KAZN: variants seen among roughly 807,000 people sequenced by gnomAD.
KAZN encodes the protein kazrin.
KAZN carries 40 observed loss-of-function variants against 87.4 expected under a neutral mutation model. That is an observed-to-expected ratio of 0.46 (90% CI 0.36 to 0.60). The LOEUF (loss-of-function observed/expected upper bound fraction) is 0.60. KAZN is among the 20% of genes least tolerant of loss of function. The pLI is 0.00. For synonymous variants in KAZN, 466 were observed against 458.3 expected (o/e 1.02, Z -0.22); for missense variants, 898 against 1,073.9 (o/e 0.84, Z 2.29).
chr1:14,225,308 G>A (rs1359325643), intron 2 of KAZN, among the ~76,000 whole-genome samples: 2 of 151,938 alleles, frequency 1.3e-5, no homozygotes, highest in Admixed American at 1.3e-4. Context: ...AAATACCTAG[G>A]AATTCAGCTA....
intron 1 of KAZN, among the ~76,000 whole-genome samples, chr1:13,915,608 G>A (rs368070768): frequency 6.6e-5 from 10 of 152,228 alleles, no homozygotes; most frequent in Middle Eastern, 6.8e-3. Flanking sequence ...CCACCTCAGC[G>A]CCCAGTTGCC....
At chr1:14,706,532 TTACTC>T (rs2148814264) in intron 1 of KAZN, among the ~76,000 whole-genome samples, 1 of 152,306 alleles carries the variant, frequency 6.6e-6, no homozygotes, top group East Asian at 1.9e-4. Context: ...GATATGCTAA[TTACTC>T]TGATCTGATC....
In KAZN at chr1:14,244,074, T is replaced by A. The variant is rs750478086; in HGVS notation, c.249+63482T>A. Reference sequence around the variant, plus strand: ...GAAACAACAATTAAACAGAGAAAAATTATCATTAAACATCACCCGCCATGT... The same window carrying A: ...GAAACAACAATTAAACAGAGAAAAAATATCATTAAACATCACCCGCCATGT... On this transcript the variant is annotated intron_variant, in intron 2 of 16. Transcript: ENST00000636203. Among the ~76,000 whole-genome samples, 25 of 152,212 alleles carry A rather than the reference T, an allele frequency of 1.6e-4. 1 individual carries two copies. The highest frequency in any genetic ancestry group is 3.4e-3 in the Middle Eastern group (1 of 294).
At chr1:14,914,961 C>A (rs1392305627) in intron 1 of KAZN, among the ~76,000 whole-genome samples, 2 of 152,128 alleles carry the variant, frequency 1.3e-5, no homozygotes, top group Non-Finnish European at 2.9e-5. Flanking sequence ...GAGGCTGAGG[C>A]GGGCGGATCA....
At chr1:13,920,144 G>T (rs950198998) in intron 1 of KAZN, among the ~76,000 whole-genome samples, 5 of 151,628 alleles carry the variant, frequency 3.3e-5, no homozygotes, top group Admixed American at 6.6e-5. Context: ...CAGCTACTTG[G>T]GAGGCTGAGA....
At chr1:14,080,229 G>T (rs1343314621) in intron 1 of KAZN, among the ~76,000 whole-genome samples, 1 of 130,788 alleles carries the variant, frequency 7.6e-6, no homozygotes, top group East Asian at 2.1e-4. Flanking sequence ...CCCAAGGAAT[G>T]AGTAACTTGA....
exon 1 of KAZN, chr1:13,892,847 C>G (rs1407769907): frequency 6.6e-6 from 1 of 152,378 alleles, no homozygotes; most frequent in Admixed American, 6.5e-5. Context: ...GGAACTGCCC[C>G]CTTTGCATCG....
At chr1:13,985,649 A>G (rs1022398750) in intron 1 of KAZN, among the ~76,000 whole-genome samples, 2 of 151,980 alleles carry the variant, frequency 1.3e-5, no homozygotes, top group Admixed American at 6.6e-5. Flanking sequence ...TCCAAAAAAA[A>G]AACCCTGTAC....
chr1:14,831,845 A>T (rs935755511), intron 1 of KAZN, among the ~76,000 whole-genome samples: 1 of 152,024 alleles, frequency 6.6e-6, no homozygotes, highest in Non-Finnish European at 1.5e-5. Context: ...TCACTGTATT[A>T]TTCAGGACTC....
intron 1 of KAZN, among the ~76,000 whole-genome samples, chr1:14,827,274 G>GT (rs1196605095): frequency 1.3e-5 from 2 of 152,080 alleles, no homozygotes; most frequent in African/African-American, 4.8e-5. Context: ...TAAACTTTCC[G>GT]TAAGTGTTTG....
At chr1:14,764,767 T>C (rs1572423916) in intron 1 of KAZN, among the ~76,000 whole-genome samples, 1 of 152,096 alleles carries the variant, frequency 6.6e-6, no homozygotes, top group South Asian at 2.1e-4. Flanking sequence ...CCAGGCTGGG[T>C]ATAGAAACAG....
intron 2 of KAZN, among the ~76,000 whole-genome samples, chr1:14,248,889 A>G (rs1649756064): frequency 6.6e-6 from 1 of 152,202 alleles, no homozygotes. Context: ...CCAAGCAGCC[A>G]TGTTAGAAAT....
chr1:13,982,044 A>C (rs150739692), intron 1 of KAZN, among the ~76,000 whole-genome samples: 2 of 152,354 alleles, frequency 1.3e-5, no homozygotes, highest in African/African-American at 4.8e-5. Flanking sequence ...CCCACCCCTC[A>C]GAGAATAATT....
At chr1:14,511,216 A>G (rs1298722621) in intron 2 of KAZN, among the ~76,000 whole-genome samples, 1 of 152,190 alleles carries the variant, frequency 6.6e-6, no homozygotes, top group Non-Finnish European at 1.5e-5. Context: ...AGATGTTTCC[A>G]TTTGTCAAGC....
chr1:14,851,662 C>T (rs894274155), intron 1 of KAZN, among the ~76,000 whole-genome samples: 1 of 152,202 alleles, frequency 6.6e-6, no homozygotes, highest in Non-Finnish European at 1.5e-5. Flanking sequence ...TCCACCTGGG[C>T]GTTGACTTAT....
At chr1:14,094,068 G>A (rs1430537176) in intron 1 of KAZN, among the ~76,000 whole-genome samples, 2 of 152,124 alleles carry the variant, frequency 1.3e-5, no homozygotes, top group African/African-American at 2.4e-5. Flanking sequence ...TATTACGGGT[G>A]GCTTTGGGGA....
intron 1 of KAZN, among the ~76,000 whole-genome samples, chr1:14,803,402 T>C (rs1477637281): frequency 6.6e-6 from 1 of 152,136 alleles, no homozygotes; most frequent in South Asian, 2.1e-4. Flanking sequence ...TTGGCCCTGA[T>C]GAAAGTTCAG....
Position 14,088,245 on chromosome 1 carries a change from C to T in KAZN, c.92-92190C>T, listed in dbSNP as rs117113792. ...AAGCTAAGATCTTTGATCTTAGACC[C>T]TTCTTCTTTCTAACATAAAAATTTC... On this transcript the variant is annotated intron_variant, in intron 1 of 16. Transcript: ENST00000636203. Among the ~76,000 whole-genome samples the T allele has an allele frequency of 6.6e-3, 994 of 151,670 alleles. 10 individuals carry two copies. The South Asian group carries it at 0.066, about 10-fold the overall frequency.
Position 14,599,468 on chromosome 1 carries a change from G to C in KAZN, c.226+245G>C, listed in dbSNP as rs998995383. On this transcript the variant is annotated intron_variant, in intron 1 of 14. Transcript: ENST00000376030. The surrounding 1 kb of genome is among the most constrained non-coding windows in gnomAD (Gnocchi z 4.4). ...CGGTCACACCGGCCCCGGCCAGCCT[G>C]AGCGAGGCGCAGCCGGCGGGTCCCT... is the stretch of plus-strand genomic sequence containing the variant. Among the ~76,000 whole-genome samples the C allele has an allele frequency of 2.6e-5, 4 of 152,224 alleles. No individual in the cohort carries two copies. Among genetic ancestry groups the C allele is most frequent in the African/African-American group, 9.6e-5 (4 of 41,470 alleles).
Sources: allele counts gnomAD v4.1 joint callset (sites outside exome capture counted in the v4.1 genomes callset), GRCh38; gene constraint gnomAD v4.1.1; non-coding constraint Gnocchi (gnomAD v3.1); transcripts MANE v1.5; gene names NCBI Gene and HGNC (gene_info 2026-07-23, HGNC 2026-07-21).